The following BBS9 variants were observed in gnomAD, a reference collection of about 807,000 sequenced individuals.
BBS9 encodes the protein Bardet-Biedl syndrome 9.
Under a neutral mutation model 117.7 loss-of-function variants are expected in BBS9, and 89 were observed. The observed-to-expected ratio is 0.76, with a 90% confidence interval of 0.64 to 0.90. The LOEUF (loss-of-function observed/expected upper bound fraction) is 0.90, where lower values mean the gene tolerates loss of function less well. Among genes scored for constraint, BBS9 ranks in the 40% least tolerant of loss-of-function variants. The pLI, the probability that BBS9 is intolerant of heterozygous loss-of-function variation, is 0.00. For missense variants in BBS9, 982 were observed against 1,042.2 expected (o/e 0.94, Z 0.80); for synonymous variants, 379 against 370.9 (o/e 1.02, Z -0.25).
At chr7:33,546,084 C>A (rs1033280929) in intron 21 of BBS9, among the ~76,000 whole-genome samples, 1 of 151,600 alleles carries the variant, frequency 6.6e-6, no homozygotes, top group Admixed American at 6.6e-5. Context: ...CAGGCGCCTG[C>A]CACCGCGCCT....
At chr7:33,316,155 T>A (rs949545170) in intron 9 of BBS9, among the ~76,000 whole-genome samples, 2 of 152,204 alleles carry the variant, frequency 1.3e-5, no homozygotes, top group Non-Finnish European at 2.9e-5. Flanking sequence ...TCATATTCTC[T>A]TTTTCACAAT....
chr7:33,626,616 T>C (rs551572835), intron 21 of BBS9, among the ~76,000 whole-genome samples: 15 of 152,298 alleles, frequency 9.8e-5, no homozygotes, highest in African/African-American at 2.9e-4. Context: ...GAGGAACTTA[T>C]TGGGAACTGG....
chr7:33,280,051 G>C (rs1801516059), intron 9 of BBS9, among the ~76,000 whole-genome samples: 1 of 152,170 alleles, frequency 6.6e-6, no homozygotes, highest in African/African-American at 2.4e-5. Context: ...TCATTTTTTA[G>C]TTTGAGCAAT....
intron 5 of BBS9, among the ~76,000 whole-genome samples, chr7:33,180,940 C>A (rs970060801): frequency 1.3e-5 from 2 of 152,172 alleles, no homozygotes; most frequent in Non-Finnish European, 2.9e-5. Flanking sequence ...TAAGAAACAT[C>A]ATAAAGGCGA....
chr7:33,243,240 G>C lies in BBS9; in HGVS notation c.443-13996G>C, dbSNP rs147041332. Among the ~76,000 whole-genome samples, 126 of 152,248 alleles carry C rather than the reference G, an allele frequency of 8.3e-4. 2 individuals are homozygous for C. Among genetic ancestry groups the C allele is most frequent in the African/African-American group, 2.8e-3 (118 of 41,536 alleles). On this transcript the variant is annotated intron_variant, in intron 5 of 22. Transcript: ENST00000242067. ...GCCTTCCTTGTTTAATTTCCTCCTT[G>C]TATGACATTGGAGCTCAGTTAACTT...
downstream of BBS9, among the ~76,000 whole-genome samples, chr7:33,607,850 A>C (rs1012930439): frequency 6.6e-6 from 1 of 150,990 alleles, no homozygotes; most frequent in South Asian, 2.1e-4. Context: ...GCAGTGATAC[A>C]TTTTAAATAG....
intron 21 of BBS9, among the ~76,000 whole-genome samples, chr7:33,632,114 G>T (rs1384402691): frequency 1.3e-5 from 2 of 152,184 alleles, no homozygotes; most frequent in African/African-American, 4.8e-5. Flanking sequence ...ATGGCATAAG[G>T]AGAACGGGGT....
chr7:33,411,011 G>GTTTTTTTTTTT (rs765425062), intron 19 of BBS9, among the ~76,000 whole-genome samples: 8 of 96,424 alleles, frequency 8.3e-5, no homozygotes, highest in Admixed American at 2.4e-4. Context: ...AAATGTTGGT[G>GTTTTTTTTTTT]TTTTTTTTTT....
chr7:33,417,952 A>G (rs1334805905), intron 19 of BBS9, among the ~76,000 whole-genome samples: 1 of 152,174 alleles, frequency 6.6e-6, no homozygotes, highest in Non-Finnish European at 1.5e-5. Flanking sequence ...GATTGAGACT[A>G]TATTCTGGTG....
At chr7:33,304,680 G>A (rs188611207) in intron 9 of BBS9, among the ~76,000 whole-genome samples, 1,652 of 152,208 alleles carry the variant, frequency 0.011, 28 homozygotes, top group African/African-American at 0.038. Flanking sequence ...TGACGATGGC[G>A]GTTTTGTCGA....
At chr7:33,369,304 G>T (rs904942075) in intron 17 of BBS9, among the ~76,000 whole-genome samples, 8 of 152,004 alleles carry the variant, frequency 5.3e-5, no homozygotes, top group African/African-American at 1.9e-4. Context: ...CTGCAAATGA[G>T]ACCATTAAAA....
At chr7:33,360,909 C>T (rs971064472) in intron 16 of BBS9, among the ~76,000 whole-genome samples, 1 of 152,100 alleles carries the variant, frequency 6.6e-6, no homozygotes, top group African/African-American at 2.4e-5. Context: ...TTATGAAATA[C>T]CTAGCATTTT....
chr7:33,482,706 G>A (rs942872171), intron 19 of BBS9, among the ~76,000 whole-genome samples: 1 of 152,096 alleles, frequency 6.6e-6, no homozygotes, highest in Non-Finnish European at 1.5e-5. Flanking sequence ...AAATTATATG[G>A]TATTAAATCT....
intron 9 of BBS9, among the ~76,000 whole-genome samples, chr7:33,331,163 G>A (rs1428010105): frequency 6.6e-6 from 1 of 152,098 alleles, no homozygotes; most frequent in East Asian, 1.9e-4. Flanking sequence ...AATTAAAAAC[G>A]AAAATCATAT....
rs1284155046 is a variant in BBS9, at chr7:33,181,651, T to C, written c.442+4060T>C. On this transcript the variant is annotated intron_variant, in intron 5 of 22. Coordinates refer to ENST00000242067, the MANE Select transcript of BBS9 (RefSeq NM_198428.3). ...AAAGCCTGTTGTGCTTTTATTCCAA[T>C]GTTCAATTTATGGAAAAATGGAATA... 5.3e-5 allele frequency among the ~76,000 whole-genome samples: 8 copies of C among 152,338 alleles called. No homozygotes were observed. The East Asian group carries it at 1.3e-3, about 26-fold the overall frequency.
intron 19 of BBS9, among the ~76,000 whole-genome samples, chr7:33,406,233 A>C (rs577004543): frequency 4.8e-4 from 73 of 152,214 alleles, no homozygotes; most frequent in African/African-American, 1.5e-3. Context: ...CTGTTCTTTT[A>C]CATTTGCTGG....
chr7:33,421,589 C>T (rs1225955082), intron 19 of BBS9, among the ~76,000 whole-genome samples: 1 of 152,110 alleles, frequency 6.6e-6, no homozygotes, highest in African/African-American at 2.4e-5. Context: ...CAGCAGAGTG[C>T]AGCAAAAGCT....
intron 19 of BBS9, among the ~76,000 whole-genome samples, chr7:33,466,376 T>C (rs1410558693): frequency 6.9e-6 from 1 of 144,866 alleles, no homozygotes; most frequent in Non-Finnish European, 1.5e-5. Context: ...ATTCTGCATA[T>C]ATGTGAGGTC....
rs113559513 is a variant in BBS9 at position 33,453,993 on chromosome 7, G to A, written c.2116-51470G>A. Among the ~76,000 whole-genome samples, 62 of 152,216 alleles carry A rather than the reference G, an allele frequency of 4.1e-4. 1 individual carries two copies. The highest frequency in any genetic ancestry group is 1.4e-3 in the African/African-American group (57 of 41,518). ...GTATATGGATTTCTGACTGCATGGC[G>A]GGGTGTGGGGGTCACACCTTTAATC... On this transcript the variant is annotated intron_variant, in intron 19 of 22. Coordinates refer to ENST00000242067, the MANE Select transcript of BBS9 (RefSeq NM_198428.3).
Sources: allele counts gnomAD v4.1 joint callset (sites outside exome capture counted in the v4.1 genomes callset), GRCh38; gene constraint gnomAD v4.1.1; transcripts MANE v1.5; gene names NCBI Gene and HGNC (gene_info 2026-07-23, HGNC 2026-07-21).